MYO1F: variants seen among roughly 807,000 people sequenced by gnomAD.
MYO1F encodes myosin IF.
A neutral mutation model predicts 146.6 loss-of-function variants in MYO1F; 60 were observed. That is an observed-to-expected ratio of 0.41 (90% CI 0.33 to 0.51). The LOEUF is 0.51. MYO1F is among the 20% of genes least tolerant of loss of function. The pLI, the probability that MYO1F is intolerant of heterozygous loss-of-function variation, is 0.25. For missense variants in MYO1F, 1,274 were observed against 1,534.3 expected (o/e 0.83, Z 2.83); for synonymous variants, 602 against 602.1 (o/e 1.00, Z 0.00).
chr19:8,539,925 C>G lies in MYO1F; in HGVS notation c.1692+22G>C, dbSNP rs778068543. 1.9e-6 allele frequency: 3 copies of G among 1,609,510 alleles called. No individual in the cohort carries two copies. The East Asian group carries it at 6.7e-5, about 36-fold the overall frequency. On this transcript the variant is annotated intron_variant, in intron 16 of 27. Coordinates refer to ENST00000644032, the MANE Select transcript of MYO1F (RefSeq NM_012335.4). ...CTCAGCCCTCTGCAGGCCCAGCTCCCCGTTGTACACCCCAGGCCCACCTTG... is the reference window on the plus strand; with the variant it reads ...CTCAGCCCTCTGCAGGCCCAGCTCCGCGTTGTACACCCCAGGCCCACCTTG...
At chr19:8,543,936 G>GTGGTGC (rs1973182796) in intron 14 of MYO1F, 1 of 264,332 alleles carries the variant, frequency 3.8e-6, no homozygotes, top group African/African-American at 4.6e-5. Context: ...GGTGGTGGTG[G>GTGGTGC]TGCTGGTGGT....
chr19:8,548,070 T>C lies in MYO1F; in HGVS notation c.1235A>G (p.Gln412Arg). The C allele has an allele frequency of 6.2e-7, 1 of 1,613,774 alleles. No individual in the cohort carries two copies. The highest frequency in any genetic ancestry group is 8.5e-7 in the Non-Finnish European group (1 of 1,179,972). Residue 412 changes from glutamine (Q) to arginine (R), a missense_variant, in exon 12 of 28, where the codon CAA (glutamine) becomes CGA (arginine). Gln to Arg is a conservative substitution (Grantham distance 43). Around this residue, in one of 2 missense-constraint regions of MYO1F, gnomAD observed 900 missense variants for 1,155.1 expected, o/e 0.78. Transcript: ENST00000644032. ...CTTCAGGGTAAGTTCGATAAAGATTTGCTGCAGCTTCTCATTGACGAAGTT... is the reference window on the plus strand; with the variant it reads ...CTTCAGGGTAAGTTCGATAAAGATTCGCTGCAGCTTCTCATTGACGAAGTT... ...CINFVNEKLQ[Q>R]IFIELTLKAE...
At chr19:8,537,726 A>G (rs7249568) in intron 16 of MYO1F, among the ~76,000 whole-genome samples, 7,331 of 151,726 alleles carry the variant, frequency 0.048, 463 homozygotes, top group African/African-American at 0.14. Flanking sequence ...GAGCCACTAT[A>G]CCTGGCTGGG....
intron 1 of MYO1F, among the ~76,000 whole-genome samples, chr19:8,564,451 G>C (rs1041428685): frequency 1.3e-5 from 2 of 152,074 alleles, no homozygotes; most frequent in African/African-American, 2.4e-5. Flanking sequence ...GTCAGGAGAT[G>C]ACAGAATCCT....
chr19:8,547,285 A>G (rs1333786633), intron 12 of MYO1F, among the ~76,000 whole-genome samples: 5 of 121,226 alleles, frequency 4.1e-5, no homozygotes, highest in Non-Finnish European at 6.4e-5. Context: ...TGGACAACAG[A>G]GCGAGTTCCT....
chr19:8,525,445 A>G, intron 25 of MYO1F, 34 bp downstream of exon 25: 2 of 1,588,568 alleles, frequency 1.3e-6, no homozygotes, highest in Non-Finnish European at 1.7e-6. Flanking sequence ...CCCACAACAG[A>G]CAAGGGAATA....
At chr19:8,561,666 T>C (rs1296918525) in intron 1 of MYO1F, among the ~76,000 whole-genome samples, 1 of 149,918 alleles carries the variant, frequency 6.7e-6, no homozygotes, top group East Asian at 2.0e-4. Context: ...TCTTTCCTTC[T>C]TTCCTTTCTT....
chr19:8,574,474 A>G (rs1182888218), intron 1 of MYO1F, among the ~76,000 whole-genome samples: 1 of 152,170 alleles, frequency 6.6e-6, no homozygotes, highest in Non-Finnish European at 1.5e-5. Context: ...TCCATGGACC[A>G]TGGAGCGGGG....
In MYO1F at chr19:8,553,419, C is replaced by T. The variant is rs1223875595; in HGVS notation, c.345G>A (p.Gly115=). The change falls in exon 5 of 28, where the codon GGG becomes GGA. Residue 115 remains glycine, a synonymous_variant. Coordinates refer to ENST00000644032, the MANE Select transcript of MYO1F (RefSeq NM_012335.4). ...TGATATATTTGGCTGCCACTGTCTT[C>T]CCAGCTCCACTCTCTCCACTGGGGA... ...CVIISGESGA[G]KTVAAKYIMG... is the part of the protein sequence containing the mutation. 6 of 1,613,990 alleles carry T rather than the reference C, an allele frequency of 3.7e-6. No individual in the cohort carries two copies. The highest frequency in any genetic ancestry group is 5.1e-6 in the Non-Finnish European group (6 of 1,179,984).
At chr19:8,545,579 TC>T in intron 13 of MYO1F, 70 bp downstream of exon 13, 2 of 1,285,608 alleles carry the variant, frequency 1.6e-6, no homozygotes, top group South Asian at 1.2e-5. Flanking sequence ...CCCTTGGCCC[TC>T]CCCCTCATCT....
At chr19:8,554,372 G>T in intron 4 of MYO1F, 105 bp downstream of exon 4, 1 of 908,544 alleles carries the variant, frequency 1.1e-6, no homozygotes. Context: ...AGGGACAGCA[G>T]GGCAATGTTC....
At chr19:8,537,124 AC>A in intron 16 of MYO1F, 69 bp from the exon 17 acceptor site, 1 of 1,037,966 alleles carries the variant, frequency 9.6e-7, no homozygotes, top group Non-Finnish European at 1.5e-6. Context: ...TCTTTTTTCC[AC>A]CCTGGATACA....
At position 8,552,017 on chromosome 19, in the gene MYO1F, G is replaced by A. The variant is rs775710348; in HGVS notation, c.636+16C>T. The A allele has an allele frequency of 5.6e-6, 9 of 1,613,644 alleles. No homozygotes were observed. The highest frequency in any genetic ancestry group is 7.6e-6 in the Non-Finnish European group (9 of 1,179,878). ...CTCCAGGTGGTGCTCCCTCTCCCCC[G>A]GCCCCTTCCCTGCACCTGGTAGTAG... On this transcript the variant is annotated intron_variant, in intron 7 of 27. Transcript: ENST00000644032.
intron 27 of MYO1F, 70 bp downstream of exon 27, chr19:8,522,307 C>T (rs1055218053): frequency 6.6e-5 from 105 of 1,599,502 alleles, no homozygotes; most frequent in South Asian, 1.1e-4. Flanking sequence ...CAGGCGTGAG[C>T]CACCGCGCCC....
chr19:8,549,302 C>CA (rs756908880), intron 10 of MYO1F, among the ~76,000 whole-genome samples: 2 of 151,948 alleles, frequency 1.3e-5, no homozygotes, highest in Non-Finnish European at 2.9e-5. Context: ...GACAGGGTCT[C>CA]AGTCTGTTGT....
intron 1 of MYO1F, among the ~76,000 whole-genome samples, chr19:8,571,787 C>CG (rs1318357003): frequency 3.3e-5 from 5 of 151,874 alleles, no homozygotes; most frequent in Non-Finnish European, 7.4e-5. Context: ...TTAGTAGAGA[C>CG]GGGGTTTCAC....
intron 11 of MYO1F, 53 bp from the exon 12 acceptor site, chr19:8,548,175 T>C: frequency 1.9e-6 from 3 of 1,613,580 alleles, no homozygotes; most frequent in Non-Finnish European, 2.5e-6. Flanking sequence ...CTGGAAGTTC[T>C]TGTGGCCACC....
chr19:8,535,085 T>C (rs1972648757), intron 19 of MYO1F, among the ~76,000 whole-genome samples: 1 of 152,060 alleles, frequency 6.6e-6, no homozygotes, highest in Non-Finnish European at 1.5e-5. Context: ...CTAATTTTTG[T>C]ACTTTTAATA....
In MYO1F at chr19:8,553,162, G is replaced by A; in HGVS notation, c.481C>T (p.Arg161Cys). The A allele has an allele frequency of 3.7e-6, 6 of 1,614,148 alleles. No individual in the cohort carries two copies. Among genetic ancestry groups the A allele is most frequent in the South Asian group, 1.1e-5 (1 of 91,080 alleles). Reference protein sequence around the residue: ...LEAFGNAKTVRNNNSSRFGKY... With the variant: ...LEAFGNAKTVCNNNSSRFGKY... ...ACAAAGCGGCTGGAATTGTTGTTGCGCACAGTCTTGGCGTTGCCGAAGGCC... is the reference window on the plus strand; with the variant it reads ...ACAAAGCGGCTGGAATTGTTGTTGCACACAGTCTTGGCGTTGCCGAAGGCC... The change falls in exon 6 of 28, where the codon CGC becomes TGC. Residue 161 changes from arginine to cysteine, a missense_variant. Transcript: ENST00000644032.
Sources: allele counts gnomAD v4.1 joint callset (sites outside exome capture counted in the v4.1 genomes callset), GRCh38; gene constraint gnomAD v4.1.1; regional missense constraint gnomAD v4.1.1; transcripts MANE v1.5; gene names NCBI Gene and HGNC (gene_info 2026-07-23, HGNC 2026-07-21).